The following ASTN2 variants were observed in gnomAD, a reference collection of about 807,000 sequenced individuals.
The protein encoded by ASTN2 is astrotactin 2.
A neutral mutation model predicts 139.8 loss-of-function variants in ASTN2; 54 were observed. That is an observed-to-expected ratio of 0.39 (90% CI 0.31 to 0.48). The LOEUF (loss-of-function observed/expected upper bound fraction) is 0.48, where lower values mean the gene tolerates loss of function less well. ASTN2 is among the 20% of genes least tolerant of loss of function. ASTN2 has a pLI of 0.95. For synonymous variants in ASTN2, 756 were observed against 719.5 expected (o/e 1.05, Z -0.81); for missense variants, 1,565 against 1,725.1 (o/e 0.91, Z 1.64).
intron 19 of ASTN2, among the ~76,000 whole-genome samples, chr9:116,535,976 G>A (rs969252378): frequency 3.3e-5 from 5 of 152,228 alleles, no homozygotes; most frequent in East Asian, 1.9e-4. Flanking sequence ...CATTCTCCCC[G>A]TCACTTTCAG....
chr9:116,802,464 G>A (rs1052321200), intron 13 of ASTN2, among the ~76,000 whole-genome samples: 1 of 152,178 alleles, frequency 6.6e-6, no homozygotes. Flanking sequence ...AACTGAGAAC[G>A]TGGGCTGGTC....
At chr9:116,884,042 C>A (rs771554347) in intron 10 of ASTN2, among the ~76,000 whole-genome samples, 11 of 152,160 alleles carry the variant, frequency 7.2e-5, no homozygotes, top group Non-Finnish European at 1.6e-4. Flanking sequence ...TTCCACCTTG[C>A]CTTGTCTCCA....
intron 13 of ASTN2, among the ~76,000 whole-genome samples, chr9:116,756,770 AACACACAC>A (rs111716372): frequency 1.0e-4 from 15 of 148,016 alleles, no homozygotes; most frequent in Admixed American, 4.1e-4. Context: ...CTCCGAATAA[AACACACAC>A]ACACACACAC....
chr9:117,323,232 A>G (rs902342157), intron 1 of ASTN2, among the ~76,000 whole-genome samples: 1 of 152,032 alleles, frequency 6.6e-6, no homozygotes, highest in Non-Finnish European at 1.5e-5. Flanking sequence ...CAAAATCAGA[A>G]AATTGTCTGC....
intron 19 of ASTN2, among the ~76,000 whole-genome samples, chr9:116,573,174 C>G (rs1242014198): frequency 3.3e-5 from 5 of 152,190 alleles, no homozygotes; most frequent in African/African-American, 4.8e-5. Flanking sequence ...TATGCAAAAA[C>G]ATGAGTTTTC....
chr9:116,583,515 G>C (rs1854031257), intron 19 of ASTN2: 1 of 151,826 alleles, frequency 6.6e-6, no homozygotes, highest in Non-Finnish European at 1.5e-5. Context: ...GTGCTGGTTA[G>C]GCATCCTTAA....
At chr9:116,560,209 C>T (rs1248472585) in intron 19 of ASTN2, among the ~76,000 whole-genome samples, 1 of 152,190 alleles carries the variant, frequency 6.6e-6, no homozygotes, top group Non-Finnish European at 1.5e-5. Flanking sequence ...TGCCTCCTTG[C>T]AATTCATTCT....
At chr9:116,983,848 G>A (rs1210321957) in intron 7 of ASTN2, among the ~76,000 whole-genome samples, 2 of 152,186 alleles carry the variant, frequency 1.3e-5, no homozygotes, top group African/African-American at 2.4e-5. Context: ...GATGAGAGAT[G>A]TGTGGAATAG....
chr9:116,625,257 C>T (rs555260824), intron 17 of ASTN2, among the ~76,000 whole-genome samples: 1 of 152,148 alleles, frequency 6.6e-6, no homozygotes, highest in South Asian at 2.1e-4. Flanking sequence ...GGTGGAACCC[C>T]ATCTCTACTC....
At chr9:116,465,087 C>T (rs1248258685) in intron 20 of ASTN2, among the ~76,000 whole-genome samples, 1 of 152,194 alleles carries the variant, frequency 6.6e-6, no homozygotes, top group African/African-American at 2.4e-5. Flanking sequence ...TGAGCATACC[C>T]TTAGCACACC....
intron 19 of ASTN2, among the ~76,000 whole-genome samples, chr9:116,501,669 AG>A (rs1021100646): frequency 2.8e-5 from 4 of 143,210 alleles, no homozygotes; most frequent in Non-Finnish European, 6.1e-5. Flanking sequence ...ACATGGACAC[AG>A]GAAGGGGAAC....
intron 13 of ASTN2, 138 bp from the exon 14 acceptor site, chr9:116,733,661 A>G (rs554946081): frequency 8.8e-7 from 1 of 1,140,916 alleles, no homozygotes; most frequent in African/African-American, 1.5e-5. Context: ...TGGTTTCCTG[A>G]ATCCCAGCTC....
At chr9:116,573,153 AG>A (rs1853591659) in intron 19 of ASTN2, among the ~76,000 whole-genome samples, 2 of 152,214 alleles carry the variant, frequency 1.3e-5, no homozygotes, top group Admixed American at 6.5e-5. Flanking sequence ...ACACAACCAA[AG>A]GCACCATTTT....
intron 1 of ASTN2, among the ~76,000 whole-genome samples, chr9:117,312,582 C>A (rs1828008438): frequency 6.6e-6 from 1 of 152,124 alleles, no homozygotes; most frequent in African/African-American, 2.4e-5. Context: ...AATTAAAAAT[C>A]AGAAGCAAAA....
chr9:117,008,015 T>C (rs945491211), intron 7 of ASTN2, 77 bp downstream of exon 7: 4 of 1,417,648 alleles, frequency 2.8e-6, no homozygotes, highest in African/African-American at 2.9e-5. Flanking sequence ...CATGGTTCTT[T>C]AGGTAGAGGG....
chr9:117,122,374 G>T (rs1266652238), intron 4 of ASTN2, among the ~76,000 whole-genome samples: 1 of 152,096 alleles, frequency 6.6e-6, no homozygotes, highest in Non-Finnish European at 1.5e-5. Flanking sequence ...TGCAGTAGCA[G>T]ATGGCCCAGG....
chr9:117,228,914 A>G (rs1832799352), intron 2 of ASTN2, among the ~76,000 whole-genome samples: 1 of 152,084 alleles, frequency 6.6e-6, no homozygotes, highest in Non-Finnish European at 1.5e-5. Context: ...CTGAGGCAGG[A>G]GGATCCTTGA....
rs1847285439 is a variant in ASTN2, at chr9:116,425,731, G to A, written c.*120C>T. 6.2e-7 allele frequency: 1 copy of A among 1,605,564 alleles called. No individual in the cohort carries two copies. The highest frequency in any genetic ancestry group is 8.5e-7 in the Non-Finnish European group (1 of 1,176,246). ...CCGTTTGCTTTGGCCTTGCTGGCAA[G>A]CTTCATCTGCTAGGCCCATCCTCAG... On this transcript the variant is annotated 3_prime_UTR_variant, in exon 23 of 23. Transcript: ENST00000313400.
intron 2 of ASTN2, among the ~76,000 whole-genome samples, chr9:117,230,008 C>T (rs1214737668): frequency 6.7e-6 from 1 of 149,884 alleles, no homozygotes; most frequent in African/African-American, 2.5e-5. Context: ...CCCATCTCTA[C>T]AAAAAATAAA....
Sources: gnomAD v4.1 joint callset for allele counts (sites outside exome capture counted in the v4.1 genomes callset) on GRCh38, gnomAD v4.1.1 for gene constraint, MANE v1.5 for transcripts, NCBI Gene and HGNC (gene_info 2026-07-23, HGNC 2026-07-21) for gene names.